PTPN9: variants seen among roughly 807,000 people sequenced by gnomAD.
PTPN9 encodes protein tyrosine phosphatase non-receptor type 9.
A neutral mutation model predicts 69.8 loss-of-function variants in PTPN9; 26 were observed. That is an observed-to-expected ratio of 0.37 (90% CI 0.27 to 0.52). The LOEUF (loss-of-function observed/expected upper bound fraction) is 0.52. Ranked by LOEUF, PTPN9 falls within the 20% of genes least tolerant of loss-of-function variation. The pLI, the probability that PTPN9 is intolerant of heterozygous loss-of-function variation, is 0.91. For synonymous variants in PTPN9, 274 were observed against 272.5 expected, an observed-to-expected ratio of 1.01 and a Z score of -0.05; for missense variants, 549 against 740.3, an observed-to-expected ratio of 0.74 and a Z score of 3.00.
intron 12 of PTPN9, 113 bp from the exon 13 acceptor site, chr15:75,469,096 C>A: frequency 2.0e-6 from 2 of 1,005,850 alleles, no homozygotes; most frequent in Non-Finnish European, 1.4e-6. Flanking sequence ...TGCCTCATGG[C>A]AGAAGGCCAG....
chr15:75,517,140 T>C, intron 5 of PTPN9, 119 bp downstream of exon 5: 4 of 688,894 alleles, frequency 5.8e-6, no homozygotes, highest in Non-Finnish European at 9.5e-6. Flanking sequence ...ACAGATGACC[T>C]TTACATTGAA....
At chr15:75,519,575 G>A in intron 4 of PTPN9, among the ~76,000 whole-genome samples, 1 of 151,982 alleles carries the variant, frequency 6.6e-6, no homozygotes, top group South Asian at 2.1e-4. Flanking sequence ...AGTTTCAACT[G>A]GCACCTAATG....
chr15:75,505,787 T>C lies in PTPN9; in HGVS notation c.856A>G (p.Met286Val). The change falls in exon 7 of 13, where the codon ATG (methionine) becomes GTG (valine). Residue 286 changes from methionine to valine, a missense_variant. Physicochemically the swap from Met to Val is conservative, Grantham distance 21. Around this residue, in one of 3 missense-constraint regions of PTPN9, gnomAD observed 457 missense variants for 661.9 expected, o/e 0.69. Transcript: ENST00000618819. ...TAGTCCACCAACTCTTGGATGGTCA[T>C]AGCATGGGGACCTGGAACATGTACT... Reference protein sequence around the residue: ...DSVHVPGPHAMTIQELVDYVN... With the variant: ...DSVHVPGPHAVTIQELVDYVN... 2 of 1,614,064 alleles carry C rather than the reference T, an allele frequency of 1.2e-6. No homozygotes were observed. Among genetic ancestry groups the C allele is most frequent in the Non-Finnish European group, 1.7e-6 (2 of 1,179,932 alleles).
At chr15:75,577,758 C>T (rs2075180165) in intron 1 of PTPN9, among the ~76,000 whole-genome samples, 1 of 152,084 alleles carries the variant, frequency 6.6e-6, no homozygotes, top group African/African-American at 2.4e-5. Context: ...TTTCTTTTTT[C>T]ATGTTTATTT....
Position 75,480,644 on chromosome 15 carries a change from G to A in PTPN9, c.1063-730C>T, listed in dbSNP as rs1045886074. On this transcript the variant is annotated intron_variant, in intron 8 of 12. Transcript: ENST00000618819. ...GGACAGTCGCGGCGCTGACGCCCGC[G>A]GGCCCCAGCTGCAGATATGAAGCGG... is the stretch of plus-strand genomic sequence containing the variant. The A allele has an allele frequency of 5.6e-5, 68 of 1,217,120 alleles. No individual in the cohort carries two copies. In the South Asian group the frequency reaches 9.8e-4, roughly 18 times the overall value. The allele number at this position is 1,217,120 out of a possible 1,614,324, so 75.4% of individuals were successfully genotyped here. A position where few individuals can be genotyped will look rare whatever the true frequency, so the allele number is the denominator to read the frequency against.
chr15:75,573,689 G>GT (rs2075159149), intron 1 of PTPN9, among the ~76,000 whole-genome samples: 1 of 152,146 alleles, frequency 6.6e-6, no homozygotes, highest in Non-Finnish European at 1.5e-5. Context: ...AAGTATTTCC[G>GT]TAAGTGCCAG....
intron 7 of PTPN9, among the ~76,000 whole-genome samples, chr15:75,505,306 G>A (rs563335020): frequency 2.1e-4 from 31 of 149,440 alleles, no homozygotes; most frequent in African/African-American, 7.7e-4. Flanking sequence ...AAGTACCCAG[G>A]GACACAAACA....
chr15:75,531,040 C>A (rs971395835), intron 1 of PTPN9, among the ~76,000 whole-genome samples: 1 of 148,078 alleles, frequency 6.8e-6, no homozygotes, highest in African/African-American at 2.5e-5. Context: ...CTTACAAATA[C>A]AATTCAAATT....
intron 1 of PTPN9, among the ~76,000 whole-genome samples, chr15:75,545,748 A>C (rs997933226): frequency 4.6e-5 from 7 of 152,294 alleles, no homozygotes; most frequent in Admixed American, 4.6e-4. Context: ...CGACATCATG[A>C]CAACAGCCTG....
intron 8 of PTPN9, among the ~76,000 whole-genome samples, chr15:75,485,470 G>A (rs2074669801): frequency 7.1e-6 from 1 of 141,294 alleles, no homozygotes; most frequent in African/African-American, 2.6e-5. Context: ...CCGGGTTCAC[G>A]CCATTCTCCT....
chr15:75,495,143 C>T (rs768955859), intron 7 of PTPN9, among the ~76,000 whole-genome samples: 1 of 152,010 alleles, frequency 6.6e-6, no homozygotes, highest in Non-Finnish European at 1.5e-5. Context: ...TTATTTCTAA[C>T]CTAGAGTTCT....
At chr15:75,529,441 C>A (rs1297737463) in intron 1 of PTPN9, among the ~76,000 whole-genome samples, 1 of 152,102 alleles carries the variant, frequency 6.6e-6, no homozygotes, top group Non-Finnish European at 1.5e-5. Flanking sequence ...CCCAATCAAC[C>A]CACAGTTATG....
chr15:75,472,231 AG>A (rs1338557458), intron 10 of PTPN9, among the ~76,000 whole-genome samples: 4 of 150,256 alleles, frequency 2.7e-5, no homozygotes, highest in East Asian at 2.0e-4. Context: ...AGGCCGAGGC[AG>A]GCGGATCACG....
intron 4 of PTPN9, among the ~76,000 whole-genome samples, chr15:75,522,088 A>T (rs180714366): frequency 5.2e-4 from 79 of 152,312 alleles, no homozygotes; most frequent in Admixed American, 5.1e-3. Flanking sequence ...ACCAGGGAAA[A>T]AGGAATAGCA....
chr15:75,523,573 A>G (rs912036674), intron 3 of PTPN9, among the ~76,000 whole-genome samples: 12 of 152,190 alleles, frequency 7.9e-5, no homozygotes, highest in Non-Finnish European at 1.6e-4. Flanking sequence ...AAGCAGCAGG[A>G]GAGAACCAGG....
chr15:75,572,669 T>C (rs2075153499), intron 1 of PTPN9, among the ~76,000 whole-genome samples: 1 of 151,622 alleles, frequency 6.6e-6, no homozygotes, highest in South Asian at 2.1e-4. Context: ...GGGCTGAGAC[T>C]GCGCTCCAGC....
intron 1 of PTPN9, among the ~76,000 whole-genome samples, chr15:75,577,871 A>G (rs1438067657): frequency 6.6e-6 from 1 of 152,184 alleles, no homozygotes; most frequent in East Asian, 1.9e-4. Context: ...AAAAGCCCGT[A>G]GGGTTCCCAG....
intron 10 of PTPN9, 144 bp from the exon 11 acceptor site, chr15:75,470,974 A>G: frequency 9.8e-7 from 1 of 1,020,382 alleles, no homozygotes; most frequent in South Asian, 1.9e-5. Flanking sequence ...CTCAGCAGAA[A>G]GGAAAGGAAA....
rs1301131588 is a variant in PTPN9, at chr15:75,530,220, A to G, written c.64-2959T>C. 7.1e-5 allele frequency among the ~76,000 whole-genome samples: 10 copies of G among 141,326 alleles called. 1 individual carries two copies. The highest frequency in any genetic ancestry group is 4.1e-4 in the East Asian group (2 of 4,822). 92.7% of individuals were successfully genotyped at this position (141,326 alleles called of 152,430 possible). A position where few individuals can be genotyped will look rare whatever the true frequency, so the allele number is the denominator to read the frequency against. On this transcript the variant is annotated intron_variant, in intron 1 of 12. Transcript: ENST00000618819. ...ATCTCAAAAAAAAAAAAAAAAAAAG[A>G]AAAGAAAGAAAGAAAGAAAGAAAAA...
Sources: gnomAD v4.1 joint callset for allele counts (sites outside exome capture counted in the v4.1 genomes callset) on GRCh38, gnomAD v4.1.1 for gene constraint, gnomAD v4.1.1 regional missense constraint, MANE v1.5 for transcripts, NCBI Gene and HGNC (gene_info 2026-07-23, HGNC 2026-07-21) for gene names.